NFYC: variants seen among roughly 807,000 people sequenced by gnomAD.
NFYC encodes CAAT box DNA-binding protein subunit C.
Under a neutral mutation model 53.1 loss-of-function variants are expected in NFYC, and 25 were observed. That is an observed-to-expected ratio of 0.47 (90% CI 0.34 to 0.66). The LOEUF is 0.66. NFYC is among the 30% of genes least tolerant of loss of function. The pLI is 0.01. For missense variants in NFYC, 260 were observed against 422.7 expected (o/e 0.62, Z 3.38); for synonymous variants, 145 against 152.6 (o/e 0.95, Z 0.37).
chr1:40,758,421 C>G (rs1022038046), intron 6 of NFYC, 127 bp downstream of exon 6: 1 of 1,107,220 alleles, frequency 9.0e-7, no homozygotes, highest in African/African-American at 1.6e-5. Flanking sequence ...AGTCTGGAAA[C>G]TGGAACTTTT....
chr1:40,703,551 G>C (rs191034678), intron 1 of NFYC, among the ~76,000 whole-genome samples: 6 of 150,896 alleles, frequency 4.0e-5, no homozygotes, highest in Admixed American at 6.6e-5. Flanking sequence ...TCTTCAGTTG[G>C]AGCTGTGTAG....
intron 1 of NFYC, among the ~76,000 whole-genome samples, chr1:40,707,826 G>A (rs1401343480): frequency 1.4e-5 from 2 of 147,776 alleles, no homozygotes; most frequent in East Asian, 4.0e-4. Flanking sequence ...CCCCAGCTTC[G>A]GTGACAGAGC....
At chr1:40,729,542 G>A (rs1644668937) in intron 1 of NFYC, among the ~76,000 whole-genome samples, 1 of 152,018 alleles carries the variant, frequency 6.6e-6, no homozygotes, top group Admixed American at 6.6e-5. Context: ...CTTCATATCA[G>A]CAATAAAGCT....
At chr1:40,714,819 G>A (rs905527296) in intron 1 of NFYC, among the ~76,000 whole-genome samples, 8 of 152,090 alleles carry the variant, frequency 5.3e-5, no homozygotes, top group African/African-American at 1.9e-4. Flanking sequence ...GGTGGCTCAC[G>A]CCTGTAATCC....
At chr1:40,753,315 C>T (rs1255131173) in intron 5 of NFYC, 69 bp downstream of exon 5, 2 of 1,020,764 alleles carry the variant, frequency 2.0e-6, no homozygotes, top group Admixed American at 1.8e-5. Context: ...CAGATACGCT[C>T]CTTCTCTCTC....
At chr1:40,699,058 G>A (rs1310874243) in intron 1 of NFYC, among the ~76,000 whole-genome samples, 1 of 152,032 alleles carries the variant, frequency 6.6e-6, no homozygotes, top group Non-Finnish European at 1.5e-5. Context: ...CAGCTACTCG[G>A]GAGGCTGAGG....
chr1:40,749,055 G>C (rs1470292974), intron 3 of NFYC, among the ~76,000 whole-genome samples: 1 of 152,130 alleles, frequency 6.6e-6, no homozygotes, highest in African/African-American at 2.4e-5. Flanking sequence ...TATGGCTTGA[G>C]CATTTCCTAT....
intron 1 of NFYC, among the ~76,000 whole-genome samples, chr1:40,727,739 G>C (rs759340551): frequency 7.1e-4 from 108 of 151,394 alleles, no homozygotes; most frequent in Non-Finnish European, 1.2e-3. Flanking sequence ...CACCATGTTG[G>C]CCCGGCTGGT....
At chr1:40,746,219 C>A (rs541107871) in intron 2 of NFYC, among the ~76,000 whole-genome samples, 105 of 152,164 alleles carry the variant, frequency 6.9e-4, no homozygotes, top group African/African-American at 2.5e-3. Context: ...AATGTTGATA[C>A]CTAATTTGGA....
intron 1 of NFYC, among the ~76,000 whole-genome samples, chr1:40,705,982 G>T (rs1643675743): frequency 6.6e-6 from 1 of 152,202 alleles, no homozygotes; most frequent in African/African-American, 2.4e-5. Flanking sequence ...CTGAGCTCAA[G>T]TGATCCTCCT....
chr1:40,713,167 GTCATCTAT>G (rs1643998270), intron 1 of NFYC, among the ~76,000 whole-genome samples: 1 of 152,214 alleles, frequency 6.6e-6, no homozygotes, highest in African/African-American at 2.4e-5. Context: ...CATGCCCAGT[GTCATCTAT>G]TTTTAGGACT....
At chr1:40,711,623 A>T (rs1396947794) in intron 1 of NFYC, among the ~76,000 whole-genome samples, 1 of 152,252 alleles carries the variant, frequency 6.6e-6, no homozygotes, top group Non-Finnish European at 1.5e-5. Flanking sequence ...GCACATGGGC[A>T]TGCCTGTACA....
chr1:40,742,845 G>A (rs913729364), intron 2 of NFYC, among the ~76,000 whole-genome samples: 1 of 152,102 alleles, frequency 6.6e-6, no homozygotes, highest in East Asian at 1.9e-4. Flanking sequence ...AGTGCAACAC[G>A]TGATGGCATC....
At chr1:40,754,114 T>C (rs550067026) in intron 5 of NFYC, among the ~76,000 whole-genome samples, 2 of 152,182 alleles carry the variant, frequency 1.3e-5, no homozygotes, top group South Asian at 2.1e-4. Flanking sequence ...TGCTTTGTTA[T>C]ATAAAACTTT....
intron 1 of NFYC, among the ~76,000 whole-genome samples, chr1:40,736,479 C>A (rs1358179689): frequency 6.6e-6 from 1 of 152,160 alleles, no homozygotes; most frequent in Non-Finnish European, 1.5e-5. Flanking sequence ...TGGTGCTTTG[C>A]TTTCAGCCCC....
rs1647079752 is a variant in NFYC at position 40,771,539 on chromosome 1, CTG to C, written c.*714_*715del. On this transcript the variant is annotated 3_prime_UTR_variant, in exon 10 of 10. Coordinates refer to ENST00000447388, the MANE Select transcript of NFYC (RefSeq NM_014223.5). ...TTTTATTTTTTAAATGCATTAAAAA[CTG>C]TGCTAGTCTCCTTTGCATGGACTTC... The C allele has an allele frequency of 7.0e-6, 3 of 431,004 alleles. No individual in the cohort carries two copies. Among genetic ancestry groups the C allele is most frequent in the South Asian group, 1.7e-5 (1 of 58,172 alleles). The allele number at this position is 431,004 out of a possible 1,614,324, so 26.7% of individuals were successfully genotyped here. A position where few individuals can be genotyped will look rare whatever the true frequency, so the allele number is the denominator to read the frequency against.
chr1:40,706,855 T>A (rs1378369591), intron 1 of NFYC, among the ~76,000 whole-genome samples: 1 of 152,126 alleles, frequency 6.6e-6, no homozygotes, highest in Non-Finnish European at 1.5e-5. Flanking sequence ...TCTTCTGAGA[T>A]CAGCTCTGCT....
At chr1:40,729,249 A>G (rs1159963548) in intron 1 of NFYC, among the ~76,000 whole-genome samples, 1 of 152,160 alleles carries the variant, frequency 6.6e-6, no homozygotes, top group Non-Finnish European at 1.5e-5. Context: ...TCTGCACTGA[A>G]ATTCTGTTGT....
chr1:40,748,407 A>G (rs1288549097), intron 3 of NFYC, among the ~76,000 whole-genome samples: 2 of 152,148 alleles, frequency 1.3e-5, no homozygotes, highest in African/African-American at 4.8e-5. Flanking sequence ...CCAAAGTGCT[A>G]GGATTAGGCA....
Sources: allele counts gnomAD v4.1 joint callset (sites outside exome capture counted in the v4.1 genomes callset), GRCh38; gene constraint gnomAD v4.1.1; transcripts MANE v1.5; gene names NCBI Gene and HGNC (gene_info 2026-07-23, HGNC 2026-07-21).